The following SPATS1 variants were observed in gnomAD, a reference collection of about 807,000 sequenced individuals.
SPATS1 encodes the protein spermatogenesis associated serine rich 1.
In SPATS1, 23 loss-of-function variants were observed where a neutral mutation model predicts 33.6. That is an observed-to-expected ratio of 0.68 (90% CI 0.49 to 0.97). The LOEUF (loss-of-function observed/expected upper bound fraction) is 0.97, where lower values mean the gene tolerates loss of function less well. Among genes scored for constraint, SPATS1 ranks in the 50% least tolerant of loss-of-function variants. The pLI, the probability that SPATS1 is intolerant of heterozygous loss-of-function variation, is 0.00. For missense variants in SPATS1, 327 were observed against 361.0 expected (o/e 0.91, Z 0.76); for synonymous variants, 131 against 125.6 (o/e 1.04, Z -0.29).
At chr6:44,369,916 C>T (rs1031281179) in intron 6 of SPATS1, 135 bp from the exon 7 acceptor site, 19 of 344,120 alleles carry the variant, frequency 5.5e-5, no homozygotes, top group African/African-American at 1.6e-4. Flanking sequence ...ATAAAATCTG[C>T]GGTTCTTACA....
rs1561960461 is a variant in SPATS1, at chr6:44,370,044, T to C, written c.696-7T>C. On this transcript the variant is annotated splice_polypyrimidine_tract_variant and splice_region_variant and intron_variant, in intron 6 of 8. Coordinates refer to ENST00000674044, the MANE Select transcript of SPATS1 (RefSeq NM_001372081.1). ...CCAGTTTTATGATTGCCTTTTCTGT[T>C]TTTCAGAGTGCCTTATGAAAAGAAA... is the stretch of plus-strand genomic sequence containing the variant. 7 of 1,610,262 alleles carry C rather than the reference T, an allele frequency of 4.3e-6. No individual in the cohort carries two copies. Among genetic ancestry groups the C allele is most frequent in the Non-Finnish European group, 5.9e-6 (7 of 1,177,266 alleles).
intron 2 of SPATS1, among the ~76,000 whole-genome samples, chr6:44,345,185 G>T (rs1490004320): frequency 6.6e-6 from 1 of 152,086 alleles, no homozygotes; most frequent in African/African-American, 2.4e-5. Context: ...GGGCGGGGAG[G>T]CATCTTGAGA....
chr6:44,343,006 G>T (rs1385604050), intron 1 of SPATS1, 90 bp from the exon 2 acceptor site: 23 of 1,538,176 alleles, frequency 1.5e-5, no homozygotes, highest in Middle Eastern at 1.8e-4. Flanking sequence ...GTGGCTTGTG[G>T]AATTTGTTTG....
chr6:44,376,670 C>T (rs909673789), intron 8 of SPATS1, among the ~76,000 whole-genome samples, 197 bp downstream of exon 8: 7 of 152,114 alleles, frequency 4.6e-5, no homozygotes, highest in East Asian at 3.9e-4. Context: ...TGTGGTGGCG[C>T]GTGCCTGTAA....
intron 4 of SPATS1, 35 bp from the exon 5 acceptor site, chr6:44,361,796 A>G (rs376902263): frequency 1.9e-6 from 3 of 1,613,658 alleles, no homozygotes; most frequent in Non-Finnish European, 2.5e-6. Flanking sequence ...GAGGCTGGGA[A>G]CAGTGCTAAT....
At chr6:44,347,131 AC>A (rs1225562746) in intron 2 of SPATS1, among the ~76,000 whole-genome samples, 1 of 152,146 alleles carries the variant, frequency 6.6e-6, no homozygotes, top group Non-Finnish European at 1.5e-5. Flanking sequence ...AAAATGGAAA[AC>A]CAAACACTGC....
In SPATS1 at chr6:44,352,443, G is replaced by T. The variant is rs1347499282; in HGVS notation, c.140-283G>T. Among the ~76,000 whole-genome samples, 3 of 152,158 alleles carry T rather than the reference G, an allele frequency of 2.0e-5. No homozygotes were observed. The East Asian group carries it at 5.8e-4, about 29-fold the overall frequency. Reference sequence around the variant, plus strand: ...TTACAGGCATGAGCCACCACGCCGGGCCTAGATGTTTACTTTTTATGCAAT... The same window carrying T: ...TTACAGGCATGAGCCACCACGCCGGTCCTAGATGTTTACTTTTTATGCAAT... On this transcript the variant is annotated intron_variant, in intron 2 of 8. Transcript: ENST00000674044.
chr6:44,343,088 G>A lies in SPATS1; in HGVS notation c.1-8G>A, dbSNP rs370511457. The A allele has an allele frequency of 3.7e-6, 6 of 1,613,908 alleles. No individual in the cohort carries two copies. The highest frequency in any genetic ancestry group is 5.1e-6 in the Non-Finnish European group (6 of 1,179,938). ...TGCTTCTAATATTTAAAATCATCAT[G>A]GGCACAGATGAGTCCATCCATGCTC... is the stretch of plus-strand genomic sequence containing the variant. On this transcript the variant is annotated splice_region_variant and splice_polypyrimidine_tract_variant and intron_variant, in intron 1 of 8. Coordinates refer to ENST00000674044, the MANE Select transcript of SPATS1 (RefSeq NM_001372081.1).
At chr6:44,346,476 C>T (rs1458805128) in intron 2 of SPATS1, among the ~76,000 whole-genome samples, 10 of 152,174 alleles carry the variant, frequency 6.6e-5, no homozygotes, top group Non-Finnish European at 1.5e-4. Flanking sequence ...GACTCGACCT[C>T]TCCAGCTCAA....
chr6:44,356,007 C>T (rs1018949475), intron 3 of SPATS1, among the ~76,000 whole-genome samples: 4 of 152,114 alleles, frequency 2.6e-5, no homozygotes, highest in Admixed American at 1.3e-4. Flanking sequence ...CATGTGTAGC[C>T]GAATCTAAAG....
chr6:44,352,746 C>G lies in SPATS1; in HGVS notation c.160C>G (p.Leu54Val), dbSNP rs1447567409. The change falls in exon 3 of 9, where the codon CTG (leucine) becomes GTG (valine). Residue 54 changes from leucine to valine, a missense_variant. Coordinates refer to ENST00000674044, the MANE Select transcript of SPATS1 (RefSeq NM_001372081.1). ...TACAGGTGCTAATTGCAGTGATTTTCTGGAATCTAAGGGATGTTTTGCCAA... is the reference window on the plus strand; with the variant it reads ...TACAGGTGCTAATTGCAGTGATTTTGTGGAATCTAAGGGATGTTTTGCCAA... ...RTYSANCSDF[L>V]ESKGCFANTT... is the part of the protein sequence containing the mutation. The G allele has an allele frequency of 1.1e-5, 17 of 1,614,038 alleles. No homozygotes were observed. Among genetic ancestry groups the G allele is most frequent in the Non-Finnish European group, 1.4e-5 (17 of 1,179,958 alleles).
chr6:44,376,543 T>C (rs767149990), intron 8 of SPATS1, 70 bp downstream of exon 8: 3 of 1,117,228 alleles, frequency 2.7e-6, no homozygotes, highest in Admixed American at 2.1e-5. Flanking sequence ...GGCTCACTCC[T>C]GTAATCCCAG....
intron 2 of SPATS1, among the ~76,000 whole-genome samples, chr6:44,344,390 CGTGTGTGTGTGT>C (rs70993448): frequency 6.9e-6 from 1 of 145,498 alleles, no homozygotes; most frequent in Non-Finnish European, 1.5e-5. Context: ...ATTGAAGATA[CGTGTGTGTGTGT>C]GTGTGTGTGT....
At chr6:44,365,141 C>T (rs142338405) in intron 5 of SPATS1, among the ~76,000 whole-genome samples, 1,621 of 152,292 alleles carry the variant, frequency 0.011, 32 homozygotes, top group African/African-American at 0.036. Flanking sequence ...GGACTGCCAA[C>T]CAGCTGCCAT....
In SPATS1 at chr6:44,342,822, G is replaced by GAAGACCCCGAGGTGGA. The variant is rs1421659795; in HGVS notation, c.-1+57_-1+72dup. The GAAGACCCCGAGGTGGA allele has an allele frequency of 9.0e-6, 9 of 1,004,726 alleles. No individual in the cohort carries two copies. The East Asian group carries it at 3.5e-4, about 39-fold the overall frequency. 62.2% of individuals were successfully genotyped at this position (1,004,726 alleles called of 1,614,324 possible). ...GGGCCTCCCCTGGGGAAGGGGGTGG[G>GAAGACCCCGAGGTGGA]AAGACCCCGAGGTGGAAAAGAAGGA... is the stretch of plus-strand genomic sequence containing the variant. On this transcript the variant is annotated intron_variant, in intron 1 of 8. Coordinates refer to ENST00000674044, the MANE Select transcript of SPATS1 (RefSeq NM_001372081.1).
At chr6:44,362,421 T>C (rs1483989690) in intron 5 of SPATS1, among the ~76,000 whole-genome samples, 1 of 152,216 alleles carries the variant, frequency 6.6e-6, no homozygotes, top group Non-Finnish European at 1.5e-5. Context: ...ATTTTATTGC[T>C]GATTTAATTA....
At chr6:44,362,932 G>A (rs1338267114) in intron 5 of SPATS1, among the ~76,000 whole-genome samples, 1 of 151,756 alleles carries the variant, frequency 6.6e-6, no homozygotes, top group Non-Finnish European at 1.5e-5. Flanking sequence ...TCCGCCTCCC[G>A]GGTTCAAGCC....
intron 5 of SPATS1, among the ~76,000 whole-genome samples, chr6:44,362,842 C>T (rs1017963665): frequency 1.4e-5 from 2 of 145,970 alleles, no homozygotes; most frequent in Admixed American, 6.9e-5. Flanking sequence ...GCACCTTGCA[C>T]TTTTTTTTTT....
At chr6:44,360,416 C>A in intron 3 of SPATS1, 30 bp from the exon 4 acceptor site, 1 of 1,613,342 alleles carries the variant, frequency 6.2e-7, no homozygotes, top group Non-Finnish European at 8.5e-7. Flanking sequence ...AGTTTAAGCA[C>A]GTGGAAGAAT....
Sources: gnomAD v4.1 joint callset for allele counts (sites outside exome capture counted in the v4.1 genomes callset) on GRCh38, gnomAD v4.1.1 for gene constraint, MANE v1.5 for transcripts, NCBI Gene and HGNC (gene_info 2026-07-23, HGNC 2026-07-21) for gene names.